Variants in GALNT13 observed in about 807,000 individuals in gnomAD.
GALNT13 encodes UDP-GalNAc:polypeptide N-acetylgalactosaminyltransferase 13.
In GALNT13, 28 loss-of-function variants were observed where a neutral mutation model predicts 64.2. That is an observed-to-expected ratio of 0.44 (90% CI 0.32 to 0.60). The LOEUF (loss-of-function observed/expected upper bound fraction) is 0.60. Ranked by LOEUF, GALNT13 falls within the 20% of genes least tolerant of loss-of-function variation. The pLI is 0.05. For synonymous variants in GALNT13, 214 were observed against 224.6 expected, an observed-to-expected ratio of 0.95 and a Z score of 0.42; for missense variants, 577 against 669.8, an observed-to-expected ratio of 0.86 and a Z score of 1.53.
the GALNT13 span, among the ~76,000 whole-genome samples, chr2:153,160,042 A>G: frequency 6.6e-6 from 1 of 152,210 alleles, no homozygotes; most frequent in Non-Finnish European, 1.5e-5. Flanking sequence ...GAACTCCACC[A>G]TATTGTAATA....
intron 3 of GALNT13, among the ~76,000 whole-genome samples, chr2:154,037,106 G>A (rs764594431): frequency 2.6e-5 from 4 of 152,084 alleles, no homozygotes; most frequent in Non-Finnish European, 5.9e-5. Context: ...GATTTTATGT[G>A]ACATATGTTT....
chr2:154,398,697 A>T (rs1699164729), intron 10 of GALNT13, among the ~76,000 whole-genome samples: 1 of 152,216 alleles, frequency 6.6e-6, no homozygotes, highest in African/African-American at 2.4e-5. Flanking sequence ...TTTGAGTGGC[A>T]TTAAGTATCC....
intron 2 of GALNT13, among the ~76,000 whole-genome samples, chr2:153,918,016 G>C (rs1030149533): frequency 2.0e-5 from 3 of 151,952 alleles, no homozygotes; most frequent in African/African-American, 7.3e-5. Flanking sequence ...ACATGTGTGA[G>C]TGCAGAGGTT....
At chr2:154,409,132 T>C in intron 11 of GALNT13, 50 bp downstream of exon 11, 1 of 1,132,584 alleles carries the variant, frequency 8.8e-7, no homozygotes, top group Non-Finnish European at 1.3e-6. Context: ...AAAATATTGT[T>C]AAAACTATCA....
the GALNT13 span, among the ~76,000 whole-genome samples, chr2:153,346,507 A>G: frequency 2.0e-5 from 3 of 152,110 alleles, no homozygotes; most frequent in Non-Finnish European, 4.4e-5. Flanking sequence ...TGTTTTCAAC[A>G]TTTTATAATT....
At chr2:154,207,046 A>C (rs1263798063) in intron 4 of GALNT13, among the ~76,000 whole-genome samples, 1 of 152,164 alleles carries the variant, frequency 6.6e-6, no homozygotes, top group Non-Finnish European at 1.5e-5. Flanking sequence ...CATGTTCCAC[A>C]CTGCTACCAG....
chr2:153,234,593 T>C, the GALNT13 span, among the ~76,000 whole-genome samples: 1 of 152,120 alleles, frequency 6.6e-6, no homozygotes, highest in Non-Finnish European at 1.5e-5. Flanking sequence ...TCCCCAAGAA[T>C]TACATTAGTA....
the GALNT13 span, among the ~76,000 whole-genome samples, chr2:153,718,893 G>A: frequency 2.6e-5 from 4 of 152,090 alleles, no homozygotes; most frequent in East Asian, 1.9e-4. Context: ...TATCCAAACC[G>A]TATGTTTTTA....
At chr2:153,321,972 T>TTG in the GALNT13 span, among the ~76,000 whole-genome samples, 11,477 of 148,974 alleles carry the variant, frequency 0.077, 784 homozygotes, top group African/African-American at 0.19. Flanking sequence ...GTGTGTAAAG[T>TTG]TGTGTGTGTG....
At chr2:153,301,769 T>C in the GALNT13 span, among the ~76,000 whole-genome samples, 1 of 152,168 alleles carries the variant, frequency 6.6e-6, no homozygotes, top group Non-Finnish European at 1.5e-5. Flanking sequence ...ATGGTCTTTG[T>C]CTTTCTGTTT....
intron 11 of GALNT13, among the ~76,000 whole-genome samples, chr2:154,418,366 C>T (rs1390750218): frequency 6.6e-6 from 1 of 152,004 alleles, no homozygotes; most frequent in South Asian, 2.1e-4. Context: ...ATTTTGTAGA[C>T]ATGATTTTGT....
At chr2:154,376,912 A>G (rs190265616) in intron 9 of GALNT13, among the ~76,000 whole-genome samples, 3 of 152,242 alleles carry the variant, frequency 2.0e-5, no homozygotes, top group African/African-American at 7.2e-5. Context: ...ATTAATAAAT[A>G]TATAATCCCT....
chr2:154,239,195 T>G (rs1233411720), intron 4 of GALNT13, among the ~76,000 whole-genome samples: 1 of 152,132 alleles, frequency 6.6e-6, no homozygotes, highest in African/African-American at 2.4e-5. Flanking sequence ...AAGTAAAGCT[T>G]GGTAGAAATA....
the GALNT13 span, among the ~76,000 whole-genome samples, chr2:153,125,137 T>C: frequency 6.6e-6 from 1 of 152,214 alleles, no homozygotes; most frequent in Non-Finnish European, 1.5e-5. Flanking sequence ...TAATTTGATA[T>C]TGATTTGAAA....
At chr2:153,604,759 ATTATT>A in the GALNT13 span, among the ~76,000 whole-genome samples, 2 of 152,040 alleles carry the variant, frequency 1.3e-5, no homozygotes, top group Non-Finnish European at 2.9e-5. Flanking sequence ...TGAATATGAC[ATTATT>A]TTATTAAGAG....
At chr2:153,306,815 G>T in the GALNT13 span, among the ~76,000 whole-genome samples, 7 of 152,094 alleles carry the variant, frequency 4.6e-5, no homozygotes, top group African/African-American at 9.7e-5. Context: ...GCGCAGTGGC[G>T]TGATCTCTGC....
the GALNT13 span, among the ~76,000 whole-genome samples, chr2:153,338,951 G>A: frequency 6.6e-6 from 1 of 152,214 alleles, no homozygotes; most frequent in Non-Finnish European, 1.5e-5. Flanking sequence ...AACTCCAAAT[G>A]ACAGAATTTC....
At chr2:153,172,424 A>G in the GALNT13 span, among the ~76,000 whole-genome samples, 2 of 151,966 alleles carry the variant, frequency 1.3e-5, no homozygotes, top group African/African-American at 4.8e-5. Context: ...GGATGAAGAG[A>G]CTCTGTATTA....
chr2:154,010,214 G>A (rs1166825500), intron 3 of GALNT13, among the ~76,000 whole-genome samples: 2 of 152,064 alleles, frequency 1.3e-5, no homozygotes, highest in African/African-American at 4.8e-5. Context: ...TCAATATGAT[G>A]TTGACTATGG....
Sources: gnomAD v4.1 joint callset for allele counts (sites outside exome capture counted in the v4.1 genomes callset) on GRCh38, gnomAD v4.1.1 for gene constraint, MANE v1.5 for transcripts, NCBI Gene and HGNC (gene_info 2026-07-23, HGNC 2026-07-21) for gene names.